Variants in SDHAF2 observed in about 807,000 individuals in gnomAD.
The protein encoded by SDHAF2 is succinate dehydrogenase assembly factor 2, mitochondrial.
In SDHAF2, 21 loss-of-function variants were observed where a neutral mutation model predicts 18.5. The ratio of observed to expected loss-of-function variants is 1.13; its 90% CI spans 0.80 to 1.63. SDHAF2 has a LOEUF of 1.63. Ranked by LOEUF, SDHAF2 falls within the 40% of genes most tolerant of loss-of-function variation. The pLI is 0.00. For missense variants in SDHAF2, 195 were observed against 200.3 expected (o/e 0.97, Z 0.16); for synonymous variants, 84 against 70.7 (o/e 1.19, Z -0.94).
intron 3 of SDHAF2, among the ~76,000 whole-genome samples, chr11:61,440,349 C>T (rs1212531874): frequency 6.6e-6 from 1 of 151,516 alleles, no homozygotes; most frequent in Admixed American, 6.6e-5. Context: ...CCTGTAATCC[C>T]AGCACTTTGG....
intron 1 of SDHAF2, 22 bp downstream of exon 1, chr11:61,430,204 G>C: frequency 6.2e-7 from 1 of 1,614,154 alleles, no homozygotes; most frequent in Non-Finnish European, 8.5e-7. Context: ...GAACGTTCTA[G>C]CGTCCGGGGC....
Position 61,437,836 on chromosome 11 carries a change from G to A in SDHAF2, c.248G>A (p.Cys83Tyr). The change falls in exon 2 of 4, where the codon TGC (cysteine) becomes TAC (tyrosine). Residue 83 changes from cysteine (C) to tyrosine (Y), a missense_variant. Physicochemically the swap from Cys to Tyr is radical, Grantham distance 194 (BLOSUM62 -2). Coordinates refer to ENST00000301761, the MANE Select transcript of SDHAF2 (RefSeq NM_017841.4). The part of the protein sequence containing the change: ...ESRKRGMLEN[C>Y]ILLSLFAKEH... Reference sequence around the variant, plus strand: ...AGAAAGAGGGGAATGTTGGAAAACTGCATTCTTCTTAGGTATGGGACTAGG... The same window carrying A: ...AGAAAGAGGGGAATGTTGGAAAACTACATTCTTCTTAGGTATGGGACTAGG... The A allele has an allele frequency of 1.2e-6, 2 of 1,613,568 alleles. No individual in the cohort carries two copies. Among genetic ancestry groups the A allele is most frequent in the East Asian group, 2.2e-5 (1 of 44,886 alleles).
intron 1 of SDHAF2, chr11:61,432,742 C>T (rs944882471): frequency 4.0e-5 from 6 of 151,348 alleles, no homozygotes; most frequent in African/African-American, 1.5e-4. Flanking sequence ...TTCTCATTTC[C>T]TTGTGTGTCT....
In SDHAF2 at chr11:61,437,726, C is replaced by G. The variant is rs969049910; in HGVS notation, c.138C>G (p.Asp46Glu). The change falls in exon 2 of 4, where the codon GAC (aspartate) becomes GAG (glutamate). Residue 46 changes from aspartate (D) to glutamate (E), a missense_variant. Transcript: ENST00000301761. ...ACAGCCCAACAGATTCCCAAAAGGA[C>G]ATGATTGAAATCCCTTTGCCTCCAT... is the stretch of plus-strand genomic sequence containing the variant. ...RGDSPTDSQK[D>E]MIEIPLPPWQ... The G allele has an allele frequency of 1.2e-6, 2 of 1,614,130 alleles. No homozygotes were observed. The highest frequency in any genetic ancestry group is 1.7e-6 in the Non-Finnish European group (2 of 1,179,974).
chr11:61,443,456 A>G (rs898615431), intron 3 of SDHAF2, among the ~76,000 whole-genome samples: 3 of 151,948 alleles, frequency 2.0e-5, no homozygotes, highest in Non-Finnish European at 2.9e-5. Context: ...TCTTTTGTGT[A>G]TATGTCTCGT....
At chr11:61,430,510 G>A (rs928766743) in intron 1 of SDHAF2, 7 of 477,646 alleles carry the variant, frequency 1.5e-5, no homozygotes, top group Non-Finnish European at 2.2e-5. Flanking sequence ...AATGCTTTTC[G>A]TGGTTTCACA....
At chr11:61,445,724 T>C (rs1862129316) in intron 3 of SDHAF2, among the ~76,000 whole-genome samples, 1 of 152,182 alleles carries the variant, frequency 6.6e-6, no homozygotes, top group Non-Finnish European at 1.5e-5. Context: ...ATGTAAACCA[T>C]TGGGAGCAGC....
intron 3 of SDHAF2, among the ~76,000 whole-genome samples, chr11:61,443,850 T>C (rs2134899287): frequency 6.6e-6 from 1 of 152,222 alleles, no homozygotes; most frequent in Admixed American, 6.5e-5. Flanking sequence ...ATCGGCTCAC[T>C]GCAAGCTCTG....
At chr11:61,443,663 G>A (rs373255297) in intron 3 of SDHAF2, among the ~76,000 whole-genome samples, 1 of 152,248 alleles carries the variant, frequency 6.6e-6, no homozygotes, top group East Asian at 1.9e-4. Flanking sequence ...CCAGGCTGGA[G>A]TGCAGTGGCA....
At position 61,446,548 on chromosome 11, in the gene SDHAF2, G is replaced by A. The variant is rs1862141207; in HGVS notation, c.*477G>A. On this transcript the variant is annotated 3_prime_UTR_variant, in exon 4 of 4. Transcript: ENST00000301761. Reference sequence around the variant, plus strand: ...TCCAACCTGGTATGGCTCCTTCTGCGAAGGGAAGCTGATCCCAGCCTCCTG... The same window carrying A: ...TCCAACCTGGTATGGCTCCTTCTGCAAAGGGAAGCTGATCCCAGCCTCCTG... 4.3e-6 allele frequency: 2 copies of A among 465,018 alleles called. No individual in the cohort carries two copies. The highest frequency in any genetic ancestry group is 3.8e-6 in the Non-Finnish European group (1 of 265,330). 28.8% of individuals were successfully genotyped at this position (465,018 alleles called of 1,614,324 possible).
intron 1 of SDHAF2, among the ~76,000 whole-genome samples, chr11:61,437,298 C>T (rs1862005147): frequency 6.6e-6 from 1 of 152,104 alleles, no homozygotes; most frequent in South Asian, 2.1e-4. Flanking sequence ...AGATGATCTT[C>T]CCACTTCAGC....
rs762683437 is a variant in SDHAF2, at chr11:61,438,107, G to T, written c.364G>T (p.Ala122Ser). 1 of 1,609,962 alleles carries T rather than the reference G, an allele frequency of 6.2e-7. No individual in the cohort carries two copies. The change falls in exon 3 of 4, where the codon GCC becomes TCC. Residue 122 changes from alanine (A) to serine (S), a missense_variant. Transcript: ENST00000301761. ...PSNDWDIYYW[A>S]TEAKPAPEIF... Reference sequence around the variant, plus strand: ...TAATGACTGGGATATTTACTACTGGGCCACAGGTACTGGGTATGATAAGCA... The same window carrying T: ...TAATGACTGGGATATTTACTACTGGTCCACAGGTACTGGGTATGATAAGCA...
intron 3 of SDHAF2, chr11:61,438,472 T>A (rs1862024907): frequency 5.9e-6 from 2 of 337,324 alleles, no homozygotes; most frequent in Non-Finnish European, 1.1e-5. Flanking sequence ...ATCCTGGGAT[T>A]ACAGGCATGA....
intron 1 of SDHAF2, 53 bp downstream of exon 1, chr11:61,430,235 C>A: frequency 6.2e-7 from 1 of 1,608,404 alleles, no homozygotes; most frequent in Non-Finnish European, 8.5e-7. Flanking sequence ...GGGGATTACC[C>A]TTTGTCTTCC....
At chr11:61,436,765 T>G in intron 1 of SDHAF2, 1 of 666,120 alleles carries the variant, frequency 1.5e-6, no homozygotes, top group Non-Finnish European at 2.4e-6. Context: ...TCACAGGGAA[T>G]TGGTTTGTTT....
At chr11:61,445,200 G>C (rs1199399539) in intron 3 of SDHAF2, among the ~76,000 whole-genome samples, 1 of 152,102 alleles carries the variant, frequency 6.6e-6, no homozygotes, top group Non-Finnish European at 1.5e-5. Flanking sequence ...TTTGGCAGTG[G>C]GAGGCTTTGC....
chr11:61,435,320 A>G (rs1054368800), intron 1 of SDHAF2: 4 of 152,162 alleles, frequency 2.6e-5, no homozygotes, highest in Non-Finnish European at 5.9e-5. Context: ...CAATGTTCCA[A>G]AGCTCATTGA....
intron 3 of SDHAF2, among the ~76,000 whole-genome samples, chr11:61,440,557 G>C (rs1862052122): frequency 6.6e-6 from 1 of 151,874 alleles, no homozygotes; most frequent in Non-Finnish European, 1.5e-5. Context: ...GCCAAGATTG[G>C]GCCACTGCAC....
intron 1 of SDHAF2, chr11:61,431,168 G>T (rs1810417666): frequency 6.6e-6 from 1 of 152,172 alleles, no homozygotes; most frequent in African/African-American, 2.4e-5. Context: ...GGGATTACAG[G>T]CATCGCCATC....
Sources: allele counts gnomAD v4.1 joint callset (sites outside exome capture counted in the v4.1 genomes callset), GRCh38; gene constraint gnomAD v4.1.1; transcripts MANE v1.5; gene names NCBI Gene and HGNC (gene_info 2026-07-23, HGNC 2026-07-21).